PTPRD: variants seen among roughly 807,000 people sequenced by gnomAD.
PTPRD encodes the protein receptor-type tyrosine-protein phosphatase delta.
In PTPRD, 34 loss-of-function variants were observed where a neutral mutation model predicts 214.5. That is an observed-to-expected ratio of 0.16 (90% CI 0.12 to 0.21). The LOEUF is 0.21. PTPRD is among the 10% of genes least tolerant of loss of function. The pLI, the probability that PTPRD is intolerant of heterozygous loss-of-function variation, is 1.00. For missense variants in PTPRD, 2,545 were observed against 2,398.7 expected, an observed-to-expected ratio of 1.06 and a Z score of -1.27; for synonymous variants, 1,128 against 845.7, an observed-to-expected ratio of 1.33 and a Z score of -5.79.
intron 7 of PTPRD, among the ~76,000 whole-genome samples, chr9:9,680,802 A>T (rs1358352534): frequency 2.6e-5 from 4 of 151,752 alleles, no homozygotes. Flanking sequence ...GCTTGAGCTG[A>T]TTAACTGCCT....
intron 9 of PTPRD, among the ~76,000 whole-genome samples, chr9:9,351,286 G>A (rs2138188175): frequency 6.6e-6 from 1 of 152,120 alleles, no homozygotes; most frequent in East Asian, 1.9e-4. Flanking sequence ...GGAAACAAAG[G>A]TAATCAGAAC....
intron 3 of PTPRD, among the ~76,000 whole-genome samples, chr9:10,277,159 T>C (rs2094746166): frequency 8.9e-6 from 1 of 111,878 alleles, no homozygotes; most frequent in African/African-American, 3.4e-5. Flanking sequence ...TCTTATAAAC[T>C]TGATCTTTTG....
chr9:8,660,230 G>A (rs1335213869), intron 12 of PTPRD, among the ~76,000 whole-genome samples: 2 of 151,356 alleles, frequency 1.3e-5, no homozygotes, highest in East Asian at 3.9e-4. Context: ...TCCTATAGAA[G>A]AATCAATAAT....
At chr9:8,643,897 G>A (rs930422420) in intron 12 of PTPRD, among the ~76,000 whole-genome samples, 2 of 152,154 alleles carry the variant, frequency 1.3e-5, no homozygotes, top group African/African-American at 2.4e-5. Context: ...GGATGGATCC[G>A]GTGAGGTCCC....
At chr9:9,337,730 G>T (rs1047321033) in intron 9 of PTPRD, among the ~76,000 whole-genome samples, 1 of 152,124 alleles carries the variant, frequency 6.6e-6, no homozygotes, top group Non-Finnish European at 1.5e-5. Context: ...TTCCTCAACG[G>T]CAAAAGGCTT....
chr9:8,432,316 A>G (rs1240059607), intron 35 of PTPRD, among the ~76,000 whole-genome samples: 1 of 152,250 alleles, frequency 6.6e-6, no homozygotes, highest in African/African-American at 2.4e-5. Flanking sequence ...AGATGGGGTT[A>G]CACTAATTTA....
At chr9:10,378,934 C>T (rs2097774335) in intron 2 of PTPRD, among the ~76,000 whole-genome samples, 1 of 151,942 alleles carries the variant, frequency 6.6e-6, no homozygotes, top group Non-Finnish European at 1.5e-5. Flanking sequence ...AATATTGATT[C>T]TTCCAGTTCA....
intron 3 of PTPRD, among the ~76,000 whole-genome samples, chr9:10,306,728 T>C (rs7860593): frequency 0.055 from 8,350 of 152,170 alleles, 770 homozygotes; most frequent in African/African-American, 0.19. Flanking sequence ...TGAATTCACT[T>C]GCTTCAAGTA....
At chr9:9,480,612 T>G (rs564100502) in intron 8 of PTPRD, among the ~76,000 whole-genome samples, 3 of 152,284 alleles carry the variant, frequency 2.0e-5, no homozygotes, top group African/African-American at 7.2e-5. Context: ...AATTTCCTGC[T>G]ATTGCTCCAG....
chr9:9,715,476 A>G (rs1362721189), intron 7 of PTPRD, among the ~76,000 whole-genome samples: 8 of 152,198 alleles, frequency 5.3e-5, no homozygotes, highest in Admixed American at 4.6e-4. Context: ...AAGAAATAAA[A>G]AAATAAAAAA....
chr9:9,939,825 G>A (rs1332169000), intron 4 of PTPRD, among the ~76,000 whole-genome samples: 6 of 152,106 alleles, frequency 3.9e-5, no homozygotes, highest in Non-Finnish European at 7.4e-5. Flanking sequence ...AGTCCCACCA[G>A]AATTGCTTAA....
intron 5 of PTPRD, among the ~76,000 whole-genome samples, chr9:9,779,696 C>T (rs1597574682): frequency 6.6e-6 from 1 of 152,118 alleles, no homozygotes; most frequent in Admixed American, 6.5e-5. Context: ...ATTAAAAAGT[C>T]AATAAACAAC....
chr9:9,836,218 G>T (rs2056710842), intron 5 of PTPRD, among the ~76,000 whole-genome samples: 1 of 152,136 alleles, frequency 6.6e-6, no homozygotes, highest in Non-Finnish European at 1.5e-5. Flanking sequence ...TCCTAGAGTA[G>T]CCCCAGAATG....
At chr9:8,829,317 A>G (rs1220733921) in intron 11 of PTPRD, among the ~76,000 whole-genome samples, 36 of 152,170 alleles carry the variant, frequency 2.4e-4, no homozygotes, top group Admixed American at 2.2e-3. Flanking sequence ...TGCCAAGGCA[A>G]TCACTGTCAT....
At chr9:9,954,758 G>C (rs2093765615) in intron 4 of PTPRD, among the ~76,000 whole-genome samples, 1 of 151,894 alleles carries the variant, frequency 6.6e-6, no homozygotes, top group Non-Finnish European at 1.5e-5. Flanking sequence ...TGTTATTTGT[G>C]TATAGAAACA....
chr9:8,593,558 T>A lies in PTPRD; in HGVS notation c.352+39759A>T, dbSNP rs150754431. Among the ~76,000 whole-genome samples the A allele has an allele frequency of 1.6e-3, 249 of 152,338 alleles. 1 individual carries two copies. Among genetic ancestry groups the A allele is most frequent in the Admixed American group, 5.0e-3 (77 of 15,304 alleles). The stretch of plus-strand genomic sequence containing the variant: ...CTTTTTGTAAACTCCTACTTCCTCA[T>A]AGTATAGCTGGAGAAACATCTTACC... On this transcript the variant is annotated intron_variant, in intron 14 of 45. Coordinates refer to ENST00000381196, the MANE Select transcript of PTPRD (RefSeq NM_002839.4).
At chr9:10,522,825 T>C (rs2052798165) in intron 2 of PTPRD, among the ~76,000 whole-genome samples, 1 of 152,008 alleles carries the variant, frequency 6.6e-6, no homozygotes, top group Non-Finnish European at 1.5e-5. Flanking sequence ...TTTAAAAAAG[T>C]TGAAAATAAA....
At chr9:10,370,457 C>T (rs1362233294) in intron 2 of PTPRD, among the ~76,000 whole-genome samples, 2 of 152,036 alleles carry the variant, frequency 1.3e-5, no homozygotes, top group African/African-American at 4.8e-5. Context: ...ACAATACTTA[C>T]TGTTTCATGT....
chr9:8,555,900 AC>A (rs2083593165), intron 14 of PTPRD, among the ~76,000 whole-genome samples: 1 of 152,130 alleles, frequency 6.6e-6, no homozygotes, highest in Non-Finnish European at 1.5e-5. Flanking sequence ...TTTATATTGC[AC>A]CCTTGGGGAA....
Sources: allele counts gnomAD v4.1 joint callset (sites outside exome capture counted in the v4.1 genomes callset), GRCh38; gene constraint gnomAD v4.1.1; transcripts MANE v1.5; gene names NCBI Gene and HGNC (gene_info 2026-07-23, HGNC 2026-07-21).